EPHA3: variants seen among roughly 807,000 people sequenced by gnomAD.
EPHA3 encodes ephrin type-A receptor 3.
EPHA3 carries 42 observed loss-of-function variants against 107.1 expected under a neutral mutation model. That is an observed-to-expected ratio of 0.39 (90% CI 0.31 to 0.51). The LOEUF is 0.51. EPHA3 is among the 20% of genes least tolerant of loss of function. The probability of loss-of-function intolerance (pLI) is 0.78; values close to 1 mark genes in which losing one functional copy is unlikely to be tolerated. For missense variants in EPHA3, 1,183 were observed against 1,211.2 expected (o/e 0.98, Z 0.35); for synonymous variants, 461 against 424.8 (o/e 1.09, Z -1.05).
chr3:89,127,904 A>G (rs898322075), intron 2 of EPHA3, among the ~76,000 whole-genome samples: 8 of 152,082 alleles, frequency 5.3e-5, no homozygotes, highest in East Asian at 1.9e-4. Flanking sequence ...CTGAATGACT[A>G]TAATGAGGCT....
intron 3 of EPHA3, among the ~76,000 whole-genome samples, chr3:89,259,890 A>T (rs1559622498): frequency 6.6e-6 from 1 of 152,106 alleles, no homozygotes; most frequent in Non-Finnish European, 1.5e-5. Flanking sequence ...ATTTTTTCAG[A>T]TGCCACTATA....
chr3:89,302,418 C>T (rs946458583), intron 3 of EPHA3, among the ~76,000 whole-genome samples: 1 of 152,028 alleles, frequency 6.6e-6, no homozygotes, highest in Non-Finnish European at 1.5e-5. Context: ...ATTCAACTTG[C>T]TCTGTGGGAG....
chr3:89,430,477 C>T (rs1164427525), intron 12 of EPHA3, among the ~76,000 whole-genome samples: 3 of 151,924 alleles, frequency 2.0e-5, no homozygotes, highest in Non-Finnish European at 4.4e-5. Context: ...AATATTCTTT[C>T]AAAATTATCG....
At chr3:89,225,847 A>G (rs1356362759) in intron 3 of EPHA3, among the ~76,000 whole-genome samples, 2 of 152,138 alleles carry the variant, frequency 1.3e-5, no homozygotes, top group South Asian at 2.1e-4. Context: ...GAGAATAGGA[A>G]AAGAACCCAA....
At chr3:89,284,061 G>A (rs1403615003) in intron 3 of EPHA3, among the ~76,000 whole-genome samples, 2 of 151,998 alleles carry the variant, frequency 1.3e-5, no homozygotes, top group Admixed American at 1.3e-4. Flanking sequence ...TTATACACAT[G>A]TATAAAATAA....
intron 3 of EPHA3, among the ~76,000 whole-genome samples, chr3:89,321,636 G>A (rs1429112930): frequency 6.6e-6 from 1 of 152,018 alleles, no homozygotes; most frequent in Admixed American, 6.6e-5. Context: ...GAAACTGAAA[G>A]GAGCATGGCA....
chr3:89,399,182 CG>C (rs1226263971), intron 6 of EPHA3, 135 bp from the exon 7 acceptor site: 1 of 826,764 alleles, frequency 1.2e-6, no homozygotes, highest in Non-Finnish European at 1.8e-6. Flanking sequence ...TTGAAATAAT[CG>C]ATATGACTTT....
chr3:89,170,736 T>C (rs1705193481), intron 2 of EPHA3, among the ~76,000 whole-genome samples: 3 of 152,172 alleles, frequency 2.0e-5, no homozygotes, highest in Admixed American at 2.0e-4. Flanking sequence ...AGAGAAACAC[T>C]TGGGGATTTT....
chr3:89,449,066 G>A (rs1355652198), intron 13 of EPHA3, among the ~76,000 whole-genome samples, 159 bp from the exon 14 acceptor site: 1 of 150,766 alleles, frequency 6.6e-6, no homozygotes, highest in Non-Finnish European at 1.5e-5. Flanking sequence ...ACTTCTGCTT[G>A]GTATTGAAAT....
intron 3 of EPHA3, among the ~76,000 whole-genome samples, chr3:89,238,098 G>A (rs1296663820): frequency 6.6e-6 from 1 of 152,116 alleles, no homozygotes; most frequent in Admixed American, 6.6e-5. Context: ...TTCTTGCTGG[G>A]ACATTTTAGA....
At chr3:89,289,578 A>G (rs1186022367) in intron 3 of EPHA3, among the ~76,000 whole-genome samples, 1 of 152,168 alleles carries the variant, frequency 6.6e-6, no homozygotes, top group Non-Finnish European at 1.5e-5. Flanking sequence ...CTTTATATAT[A>G]TCCTGTCTGT....
chr3:89,322,071 A>G (rs1472622025), intron 3 of EPHA3, among the ~76,000 whole-genome samples: 1 of 151,710 alleles, frequency 6.6e-6, no homozygotes, highest in Non-Finnish European at 1.5e-5. Flanking sequence ...CAGTGGAAAA[A>G]TCCATGGAAA....
intron 2 of EPHA3, among the ~76,000 whole-genome samples, chr3:89,137,725 A>G (rs933406012): frequency 2.0e-5 from 3 of 151,950 alleles, no homozygotes; most frequent in Non-Finnish European, 1.5e-5. Flanking sequence ...ATTCATCTCC[A>G]TTGCATGTGA....
chr3:89,291,584 T>C (rs533073789), intron 3 of EPHA3, among the ~76,000 whole-genome samples: 10 of 152,224 alleles, frequency 6.6e-5, no homozygotes, highest in South Asian at 2.1e-4. Context: ...ACAGGATTCT[T>C]GAGTAGTAAA....
intron 1 of EPHA3, among the ~76,000 whole-genome samples, chr3:89,111,409 A>G (rs1707104217): frequency 6.6e-6 from 1 of 152,054 alleles, no homozygotes; most frequent in Admixed American, 6.6e-5. Context: ...AAGAGGGTTT[A>G]CATTTGCTTT....
At chr3:89,294,486 C>T (rs1706297079) in intron 3 of EPHA3, among the ~76,000 whole-genome samples, 1 of 151,530 alleles carries the variant, frequency 6.6e-6, no homozygotes, top group African/African-American at 2.4e-5. Flanking sequence ...ATTCCTTGAA[C>T]TTTGTTCTTT....
chr3:89,405,102 G>A (rs967906514), intron 7 of EPHA3, among the ~76,000 whole-genome samples: 1 of 152,094 alleles, frequency 6.6e-6, no homozygotes, highest in African/African-American at 2.4e-5. Context: ...ATGGAGCTGA[G>A]CCAGGCAAGC....
chr3:89,345,189 C>A (rs1245835473), intron 5 of EPHA3, among the ~76,000 whole-genome samples: 4 of 151,128 alleles, frequency 2.6e-5, no homozygotes, highest in Non-Finnish European at 3.0e-5. Context: ...TGATCTCAGA[C>A]TAGAATAAGG....
At chr3:89,113,099 A>T (rs547044634) in intron 1 of EPHA3, among the ~76,000 whole-genome samples, 48 of 152,232 alleles carry the variant, frequency 3.2e-4, no homozygotes, top group African/African-American at 1.1e-3. Context: ...CTTTCCACAG[A>T]TTTTTTAAAT....
Sources: gnomAD v4.1 joint callset for allele counts (sites outside exome capture counted in the v4.1 genomes callset) on GRCh38, gnomAD v4.1.1 for gene constraint, MANE v1.5 for transcripts, NCBI Gene and HGNC (gene_info 2026-07-23, HGNC 2026-07-21) for gene names.